Variants in GON4L observed in about 807,000 individuals in gnomAD.
The protein encoded by GON4L is gon-4 like.
A neutral mutation model predicts 211.8 loss-of-function variants in GON4L; 87 were observed. That is an observed-to-expected ratio of 0.41 (90% CI 0.35 to 0.49). GON4L has a LOEUF of 0.49. Among genes scored for constraint, GON4L ranks in the 20% least tolerant of loss-of-function variants. GON4L has a pLI of 0.15. For missense variants in GON4L, 2,155 were observed against 2,659.5 expected (o/e 0.81, Z 4.17); for synonymous variants, 875 against 962.6 (o/e 0.91, Z 1.68).
At chr1:155,814,575 G>T in intron 8 of GON4L, 126 bp from the exon 9 acceptor site, 1 of 1,015,348 alleles carries the variant, frequency 9.8e-7, no homozygotes, top group Admixed American at 1.7e-5. Flanking sequence ...GTGAACACCC[G>T]TCTCTGCTAA....
downstream of GON4L, chr1:155,749,183 T>C (rs1660369991): frequency 8.9e-7 from 1 of 1,121,474 alleles, no homozygotes; most frequent in Non-Finnish European, 1.3e-6. Flanking sequence ...ACCTGGGAGG[T>C]GGAGGTTGCA....
intron 2 of GON4L, among the ~76,000 whole-genome samples, chr1:155,834,866 C>A (rs1392054441): frequency 2.0e-5 from 3 of 146,736 alleles, no homozygotes; most frequent in Non-Finnish European, 4.4e-5. Context: ...GTGAGGAGCC[C>A]CTCTGCCCAG....
intron 18 of GON4L, 78 bp downstream of exon 18, chr1:155,772,988 T>C (rs895949054): frequency 3.8e-6 from 6 of 1,560,384 alleles, no homozygotes; most frequent in African/African-American, 1.4e-5. Flanking sequence ...AAGTCTTACT[T>C]CCCCTAAACT....
chr1:155,818,310 C>CTA (rs1668440338), intron 6 of GON4L, among the ~76,000 whole-genome samples: 1 of 152,018 alleles, frequency 6.6e-6, no homozygotes, highest in Non-Finnish European at 1.5e-5. Flanking sequence ...CGGGGTTTCG[C>CTA]CATGTTGGCC....
chr1:155,824,543 G>A (rs1048792360), intron 3 of GON4L, among the ~76,000 whole-genome samples: 2 of 145,356 alleles, frequency 1.4e-5, no homozygotes, highest in African/African-American at 5.1e-5. Context: ...AGGACTTCGA[G>A]ACCAGCCAGA....
chr1:155,766,520 C>G lies in GON4L; in HGVS notation c.2953G>C (p.Ala985Pro). 2.5e-6 allele frequency: 4 copies of G among 1,614,076 alleles called. No individual in the cohort carries two copies. The highest frequency in any genetic ancestry group is 3.4e-6 in the Non-Finnish European group (4 of 1,180,008). ...KGVVLKLKPV[A>P]TRFPRKAWRQ... ...CAAGCCTTCCTGGGGAAACGGGTGGCAACTGGCTTCAGTTTCAGGACTACA... is the reference window on the plus strand; with the variant it reads ...CAAGCCTTCCTGGGGAAACGGGTGGGAACTGGCTTCAGTTTCAGGACTACA... Residue 985 changes from alanine to proline, a missense_variant, in exon 21 of 32, where the codon GCC (alanine) becomes CCC (proline). By Grantham distance (27) the Ala-to-Pro change is conservative. This residue lies in a region of GON4L where 615 missense variants were observed against 625.7 expected (regional missense o/e 0.98). Transcript: ENST00000368331.
chr1:155,782,695 C>CA (rs1298008621), intron 14 of GON4L, among the ~76,000 whole-genome samples: 1 of 151,844 alleles, frequency 6.6e-6, no homozygotes, highest in African/African-American at 2.4e-5. Context: ...TTTTTTGAGA[C>CA]AGAGTCTCTC....
intron 12 of GON4L, among the ~76,000 whole-genome samples, chr1:155,793,207 C>T (rs1665771020): frequency 6.6e-6 from 1 of 152,180 alleles, no homozygotes; most frequent in African/African-American, 2.4e-5. Flanking sequence ...ATTCCTGGTG[C>T]TTTCCTTTCA....
At chr1:155,791,647 C>T (rs1462921971) in intron 12 of GON4L, among the ~76,000 whole-genome samples, 2 of 151,834 alleles carry the variant, frequency 1.3e-5, no homozygotes, top group African/African-American at 4.8e-5. Context: ...GCAGGTGGAT[C>T]ACCTGAGGTC....
At chr1:155,770,906 CG>C (rs1319405575) in intron 19 of GON4L, among the ~76,000 whole-genome samples, 160 bp downstream of exon 19, 1 of 151,968 alleles carries the variant, frequency 6.6e-6, no homozygotes, top group Non-Finnish European at 1.5e-5. Flanking sequence ...ATACTGCCAG[CG>C]GAATATTGCC....
chr1:155,765,618 A>T lies in GON4L; in HGVS notation c.3855T>A (p.Asn1285Lys). The T allele has an allele frequency of 6.2e-7, 1 of 1,614,148 alleles. No individual in the cohort carries two copies. Among genetic ancestry groups the T allele is most frequent in the South Asian group, 1.1e-5 (1 of 91,080 alleles). ...TCACAACGGTCCAGCGACAGGCACT[A>T]TTCTCTGACAATCCTTCTTGGCACT... ...DAECQEGLSE[N>K]SACRWTVVKT... The change falls in exon 21 of 32, where the codon AAT becomes AAA. Residue 1285 changes from asparagine to lysine, a missense_variant. Asn to Lys is a moderately conservative substitution (Grantham distance 94). This residue lies in a region of GON4L where 615 missense variants were observed against 625.7 expected (regional missense o/e 0.98). Transcript: ENST00000368331.
intron 2 of GON4L, among the ~76,000 whole-genome samples, chr1:155,829,345 C>A (rs759002584): frequency 1.2e-4 from 19 of 152,146 alleles, no homozygotes; most frequent in Non-Finnish European, 2.5e-4. Context: ...GTGGTTCACA[C>A]CTGTAGTCCT....
At position 155,777,688 on chromosome 1, in the gene GON4L, C is replaced by A; in HGVS notation, c.2025G>T (p.Glu675Asp). The A allele has an allele frequency of 1.9e-6, 3 of 1,613,938 alleles. No individual in the cohort carries two copies. The highest frequency in any genetic ancestry group is 2.5e-6 in the Non-Finnish European group (3 of 1,179,824). ...CCAGAATCAGAGTCTGATGAACTTT[C>A]TCACTCTGGGGTTTAACCTTCTCTA... ...QEVEKVKPQS[E>D]KVHQTLILDP... is the part of the protein sequence containing the mutation. The change falls in exon 15 of 32, where the codon GAG becomes GAT. Residue 675 changes from glutamate to aspartate, a missense_variant. Glu to Asp is a conservative substitution (Grantham distance 45). This residue lies in a region of GON4L where 551 missense variants were observed against 854.0 expected (regional missense o/e 0.65). Transcript: ENST00000368331.
chr1:155,800,512 G>A (rs933873380), intron 11 of GON4L, among the ~76,000 whole-genome samples: 9 of 150,822 alleles, frequency 6.0e-5, no homozygotes, highest in African/African-American at 9.8e-5. Context: ...AGCCGAGATC[G>A]CGCCACTGCA....
At chr1:155,855,606 G>A (rs1302247964) in intron 1 of GON4L, among the ~76,000 whole-genome samples, 1 of 152,182 alleles carries the variant, frequency 6.6e-6, no homozygotes, top group Non-Finnish European at 1.5e-5. Flanking sequence ...GATACTCAAT[G>A]AATGCTCCCT....
chr1:155,821,616 T>C (rs1039919083), intron 4 of GON4L, 68 bp from the exon 5 acceptor site: 6 of 891,760 alleles, frequency 6.7e-6, no homozygotes, highest in Non-Finnish European at 1.1e-5. Flanking sequence ...CATCTCTCCA[T>C]GTAACTGTCA....
chr1:155,764,872 G>C (rs1662271079), intron 21 of GON4L, 128 bp downstream of exon 21: 4 of 1,563,162 alleles, frequency 2.6e-6, no homozygotes, highest in Non-Finnish European at 3.5e-6. Flanking sequence ...GTCCCATAAT[G>C]CATTCACAAA....
intron 2 of GON4L, among the ~76,000 whole-genome samples, chr1:155,839,610 C>T (rs1292256783): frequency 2.7e-5 from 4 of 149,332 alleles, no homozygotes; most frequent in African/African-American, 9.9e-5. Context: ...AAGATTACAC[C>T]ACTGCACACC....
chr1:155,779,263 A>AAAG (rs1664158442), intron 14 of GON4L, among the ~76,000 whole-genome samples: 1 of 84,150 alleles, frequency 1.2e-5, no homozygotes. Flanking sequence ...CAAAAAAAAA[A>AAAG]AAAAAAAAAA....
Sources: allele counts gnomAD v4.1 joint callset (sites outside exome capture counted in the v4.1 genomes callset), GRCh38; gene constraint gnomAD v4.1.1; regional missense constraint gnomAD v4.1.1; transcripts MANE v1.5; gene names NCBI Gene and HGNC (gene_info 2026-07-23, HGNC 2026-07-21).